Variants in ST3GAL1 observed in about 807,000 individuals in gnomAD.
ST3GAL1 encodes the protein CMP-N-acetylneuraminate-beta-galactosamide-alpha-2,3-sialyltransferase 1.
A neutral mutation model predicts 34.1 loss-of-function variants in ST3GAL1; 16 were observed. That is an observed-to-expected ratio of 0.47 (90% CI 0.32 to 0.71). ST3GAL1 has a LOEUF of 0.71. Ranked by LOEUF, ST3GAL1 falls within the 30% of genes least tolerant of loss-of-function variation. The pLI is 0.04. For missense variants in ST3GAL1, 353 were observed against 447.4 expected (o/e 0.79, Z 1.90); for synonymous variants, 191 against 184.7 (o/e 1.03, Z -0.28).
At position 133,459,890 on chromosome 8, in the gene ST3GAL1, G is replaced by C; in HGVS notation, c.897C>G (p.His299Gln). The C allele has an allele frequency of 1.2e-6, 2 of 1,614,080 alleles. No homozygotes were observed. Among genetic ancestry groups the C allele is most frequent in the Non-Finnish European group, 1.7e-6 (2 of 1,179,976 alleles). ...CCGCGGATGGGTTGTTCTCCCAGTA[G>C]TGGTGCCAGTTCCCTTTGCTGTCTG... ...FGADSKGNWH[H>Q]YWENNPSAGA... The change falls in exon 10 of 10, where the codon CAC becomes CAG. Residue 299 changes from histidine (H) to glutamine (Q), a missense_variant. Physicochemically the swap from His to Gln is conservative, Grantham distance 24. Coordinates refer to ENST00000522652, the MANE Select transcript of ST3GAL1 (RefSeq NM_173344.3). This position sits in a 1 kb window ranked among gnomAD's most constrained non-coding sequence, Gnocchi z 4.7.
At chr8:133,541,108 T>TAGAGAGAGAG (rs1216030600) in intron 2 of ST3GAL1, among the ~76,000 whole-genome samples, 3 of 45,732 alleles carry the variant, frequency 6.6e-5, no homozygotes, top group Admixed American at 2.0e-4. Flanking sequence ...TATATATATA[T>TAGAGAGAGAG]ATATATATAT....
intron 2 of ST3GAL1, among the ~76,000 whole-genome samples, chr8:133,532,052 G>A (rs1323633848): frequency 1.3e-5 from 2 of 152,198 alleles, no homozygotes; most frequent in Non-Finnish European, 2.9e-5. Flanking sequence ...TGAATACAGA[G>A]GCAGAGATGA....
rs1815518191 is a variant in ST3GAL1 at position 133,461,795 on chromosome 8, C to T, written c.849+80G>A. 3.5e-5 allele frequency: 56 copies of T among 1,585,498 alleles called. No homozygotes were observed. In the South Asian group the frequency reaches 6.2e-4, roughly 17 times the overall value. On this transcript the variant is annotated intron_variant, in intron 9 of 9. Coordinates refer to ENST00000522652, the MANE Select transcript of ST3GAL1 (RefSeq NM_173344.3). This position sits in a 1 kb window ranked among gnomAD's most constrained non-coding sequence, Gnocchi z 4.7. ...AAGAGGCAGGCTAGGTCTACCTGCC[C>T]TCCCCCTCCCTGGCCTCTCTTGGGA...
At chr8:133,468,589 G>T (rs1157630102) in intron 5 of ST3GAL1, among the ~76,000 whole-genome samples, 1 of 152,324 alleles carries the variant, frequency 6.6e-6, no homozygotes, top group East Asian at 1.9e-4. Context: ...TATATTTAAT[G>T]CTACTGAATC....
chr8:133,534,134 A>G (rs1052481708), intron 2 of ST3GAL1, among the ~76,000 whole-genome samples: 8 of 152,150 alleles, frequency 5.3e-5, no homozygotes, highest in Non-Finnish European at 5.9e-5. Context: ...CAGAAAGCCA[A>G]TTCCATTCTA....
intron 5 of ST3GAL1, among the ~76,000 whole-genome samples, chr8:133,472,513 T>C (rs1358856342): frequency 6.6e-6 from 1 of 152,226 alleles, no homozygotes; most frequent in African/African-American, 2.4e-5. Context: ...CATGAAATGG[T>C]CCTGCCTGCA....
intron 1 of ST3GAL1, among the ~76,000 whole-genome samples, chr8:133,567,838 C>G (rs1157186906): frequency 6.6e-6 from 1 of 151,870 alleles, no homozygotes; most frequent in Non-Finnish European, 1.5e-5. Context: ...CTGAAGCAAA[C>G]ATAAATCAGG....
At chr8:133,478,901 T>G (rs1586599642) in intron 3 of ST3GAL1, among the ~76,000 whole-genome samples, 2 of 152,300 alleles carry the variant, frequency 1.3e-5, no homozygotes, top group Middle Eastern at 3.4e-3. Context: ...AGTGGAGGCT[T>G]GGGTCATGAA....
rs1586625377 is a variant in ST3GAL1 at position 133,504,959 on chromosome 8, G to A, written c.-428-5770C>T. On this transcript the variant is annotated intron_variant, in intron 2 of 9. Coordinates refer to ENST00000522652, the MANE Select transcript of ST3GAL1 (RefSeq NM_173344.3). Reference sequence around the variant, plus strand: ...AATCCACGATCTCGAAGTTCAGGAAGTTGGGTGAGAGTGAGCCTCAGTTTC... The same window carrying A: ...AATCCACGATCTCGAAGTTCAGGAAATTGGGTGAGAGTGAGCCTCAGTTTC... 2.6e-5 allele frequency among the ~76,000 whole-genome samples: 4 copies of A among 152,190 alleles called. No homozygotes were observed. In the South Asian group the frequency reaches 8.3e-4, roughly 31 times the overall value.
intron 2 of ST3GAL1, among the ~76,000 whole-genome samples, chr8:133,506,081 G>T (rs1181042068): frequency 6.6e-6 from 1 of 152,202 alleles, no homozygotes; most frequent in Non-Finnish European, 1.5e-5. Context: ...GTGGCTAGCA[G>T]CTACTGACCT....
intron 2 of ST3GAL1, among the ~76,000 whole-genome samples, chr8:133,543,504 C>T (rs111776986): frequency 7.2e-5 from 11 of 151,930 alleles, no homozygotes; most frequent in East Asian, 1.9e-4. Flanking sequence ...TAATAAAATG[C>T]GAACATTTGA....
chr8:133,543,637 C>T (rs182723532), intron 2 of ST3GAL1, among the ~76,000 whole-genome samples: 1 of 152,044 alleles, frequency 6.6e-6, no homozygotes, highest in East Asian at 1.9e-4. Context: ...GCTCTGGTTT[C>T]ATGAGATTGA....
chr8:133,506,919 CT>C (rs1247646944), intron 2 of ST3GAL1, among the ~76,000 whole-genome samples: 3 of 150,268 alleles, frequency 2.0e-5, no homozygotes, highest in Admixed American at 6.6e-5. Context: ...GAAACCCTGT[CT>C]CTACTAAAAA....
Position 133,456,688 on chromosome 8 carries a change from C to A in ST3GAL1, c.*3076G>T, listed in dbSNP as rs1406946817. On this transcript the variant is annotated 3_prime_UTR_variant, in exon 10 of 10. Coordinates refer to ENST00000522652, the MANE Select transcript of ST3GAL1 (RefSeq NM_173344.3). ...AAGTGCCCATTGCTAAGCCAATGAGCTATCTGCTGGGCTGTGGGAAAGAGA... is the reference window on the plus strand; with the variant it reads ...AAGTGCCCATTGCTAAGCCAATGAGATATCTGCTGGGCTGTGGGAAAGAGA... The A allele has an allele frequency of 1.3e-5, 2 of 152,282 alleles. No homozygotes were observed. The highest frequency in any genetic ancestry group is 1.9e-4 in the East Asian group (1 of 5,196). The allele number at this position is 152,282 out of a possible 1,614,324, so 9.4% of individuals were successfully genotyped here.
intron 2 of ST3GAL1, among the ~76,000 whole-genome samples, chr8:133,499,757 T>C (rs144808090): frequency 2.0e-5 from 3 of 152,058 alleles, no homozygotes; most frequent in Admixed American, 2.0e-4. Flanking sequence ...AAACCGAAGC[T>C]CGGAGGTCGA....
chr8:133,556,964 A>G lies in ST3GAL1; in HGVS notation c.-581-11038T>C, dbSNP rs995857722. On this transcript the variant is annotated intron_variant, in intron 1 of 9. Coordinates refer to ENST00000522652, the MANE Select transcript of ST3GAL1 (RefSeq NM_173344.3). The surrounding 1 kb of genome is among the most constrained non-coding windows in gnomAD (Gnocchi z 8.9). The stretch of plus-strand genomic sequence containing the variant: ...CTTTTATGATGTGCATGCATGTGTT[A>G]GAAGGAAACATTGTGACATGGTGGA... Among the ~76,000 whole-genome samples, 1 of 152,154 alleles carries G rather than the reference A, an allele frequency of 6.6e-6. No homozygotes were observed. The highest frequency in any genetic ancestry group is 2.4e-5 in the African/African-American group (1 of 41,420).
intron 1 of ST3GAL1, among the ~76,000 whole-genome samples, chr8:133,551,594 G>GAAAGAAAGAA (rs1308701554): frequency 6.7e-6 from 1 of 150,334 alleles, no homozygotes; most frequent in African/African-American, 2.5e-5. Context: ...AAGAAAGAAA[G>GAAAGAAAGAA]AAAGAAAGAA....
At chr8:133,491,357 G>A in intron 3 of ST3GAL1, among the ~76,000 whole-genome samples, 1 of 152,044 alleles carries the variant, frequency 6.6e-6, no homozygotes, top group East Asian at 1.9e-4. Context: ...GCTCACACCT[G>A]TCCCAGAAGA....
At chr8:133,560,766 C>T (rs1819198720) in intron 1 of ST3GAL1, among the ~76,000 whole-genome samples, 2 of 152,288 alleles carry the variant, frequency 1.3e-5, no homozygotes, top group Middle Eastern at 3.4e-3. Flanking sequence ...AGGCTTCAGA[C>T]AGAAATGGTG....
Sources: gnomAD v4.1 joint callset for allele counts (sites outside exome capture counted in the v4.1 genomes callset) on GRCh38, gnomAD v4.1.1 for gene constraint, Gnocchi (gnomAD v3.1) non-coding constraint, MANE v1.5 for transcripts, NCBI Gene and HGNC (gene_info 2026-07-23, HGNC 2026-07-21) for gene names.